SLCO1A2: variants seen among roughly 807,000 people sequenced by gnomAD.
SLCO1A2 encodes solute carrier organic anion transporter family member 1A2.
In SLCO1A2, 67 loss-of-function variants were observed where a neutral mutation model predicts 69.0. The observed-to-expected ratio is 0.97, with a 90% CI of 0.80 to 1.19. The LOEUF is 1.19. Ranked by LOEUF, SLCO1A2 falls within the 50% of genes most tolerant of loss-of-function variation. SLCO1A2 has a pLI of 0.00. For synonymous variants in SLCO1A2, 260 were observed against 265.9 expected (o/e 0.98, Z 0.22); for missense variants, 787 against 793.7 (o/e 0.99, Z 0.10).
rs1272920345 is a variant in SLCO1A2, at chr12:21,304,539, C to T, written c.477G>A (p.Val159=). ...CTKEVKSLMW[V]YVLVGNIVRG... is the part of the protein sequence containing the mutation. ...GTACAATATTGCCTACTAGGACGTA[C>T]ACCCACATTAATGATTTAACTTCCT... Residue 159 remains valine (V), a synonymous_variant, in exon 6 of 15, where the codon GTG becomes GTA. Coordinates refer to ENST00000683939, the MANE Select transcript of SLCO1A2 (RefSeq NM_001386879.1). 1 of 1,612,330 alleles carries T rather than the reference C, an allele frequency of 6.2e-7. No individual in the cohort carries two copies. Among genetic ancestry groups the T allele is most frequent in the African/African-American group, 1.3e-5 (1 of 74,820 alleles).
At chr12:21,387,513 C>T (rs906704070) in intron 1 of SLCO1A2, among the ~76,000 whole-genome samples, 8 of 152,164 alleles carry the variant, frequency 5.3e-5, no homozygotes, top group African/African-American at 1.9e-4. Context: ...TCAGAGGATG[C>T]AAACTCCAAG....
chr12:21,415,021 T>G lies in SLCO1A2; in HGVS notation c.-312+2861A>C, dbSNP rs369295148. Among the ~76,000 whole-genome samples, 5 of 152,250 alleles carry G rather than the reference T, an allele frequency of 3.3e-5. No individual in the cohort carries two copies. The South Asian group carries it at 1.0e-3, about 32-fold the overall frequency. ...TATCTTTTCTTCATATTTTTACTTT[T>G]GATCTTTAAATGTTCTTATCTTTTT... On this transcript the variant is annotated intron_variant, in intron 1 of 4. Coordinates refer to the SLCO1A2 transcript ENST00000413682.
Position 21,334,100 on chromosome 12 carries a change from A to T in SLCO1A2, c.60+488T>A, listed in dbSNP as rs549655607. 2.0e-5 allele frequency among the ~76,000 whole-genome samples: 3 copies of T among 152,174 alleles called. No individual in the cohort carries two copies. The East Asian group carries it at 5.8e-4, about 29-fold the overall frequency. On this transcript the variant is annotated intron_variant, in intron 2 of 14. Coordinates refer to ENST00000683939, the MANE Select transcript of SLCO1A2 (RefSeq NM_001386879.1). The stretch of plus-strand genomic sequence containing the variant: ...AATTTTCTCTGAAATAGAAAAAAAA[A>T]TCAGAACAGCTGACAAAATGGCCAT...
chr12:21,307,217 G>A (rs1949525119), intron 4 of SLCO1A2, among the ~76,000 whole-genome samples: 1 of 152,030 alleles, frequency 6.6e-6, no homozygotes, highest in Non-Finnish European at 1.5e-5. Flanking sequence ...ATCTGCCTGT[G>A]GATGATCTAC....
intron 2 of SLCO1A2, among the ~76,000 whole-genome samples, chr12:21,343,010 T>A (rs988589455): frequency 6.6e-6 from 1 of 152,120 alleles, no homozygotes; most frequent in Admixed American, 6.6e-5. Flanking sequence ...TCCAGGTGGG[T>A]ATGTCCTGTG....
intron 2 of SLCO1A2, among the ~76,000 whole-genome samples, chr12:21,339,959 A>G (rs1246612377): frequency 6.6e-6 from 1 of 151,952 alleles, no homozygotes; most frequent in Non-Finnish European, 1.5e-5. Context: ...TAGATGAAAG[A>G]TGTATGGTAT....
chr12:21,333,997 G>A (rs1311342673), intron 2 of SLCO1A2, among the ~76,000 whole-genome samples: 1 of 151,798 alleles, frequency 6.6e-6, no homozygotes, highest in Non-Finnish European at 1.5e-5. Flanking sequence ...TATAGAATCA[G>A]GACAAATGTC....
At chr12:21,394,390 C>CACAT (rs995103690) in intron 1 of SLCO1A2, among the ~76,000 whole-genome samples, 5 of 147,240 alleles carry the variant, frequency 3.4e-5, no homozygotes, top group African/African-American at 1.3e-4. Context: ...CACACACACA[C>CACAT]ATTAGCCAGA....
At chr12:21,326,447 G>A (rs1952234269) in intron 2 of SLCO1A2, among the ~76,000 whole-genome samples, 1 of 152,160 alleles carries the variant, frequency 6.6e-6, no homozygotes, top group African/African-American at 2.4e-5. Context: ...AAAGTTTGGA[G>A]CTTCCTACAG....
At chr12:21,273,026 G>A (rs908099994) in intron 14 of SLCO1A2, among the ~76,000 whole-genome samples, 1 of 151,830 alleles carries the variant, frequency 6.6e-6, no homozygotes, top group African/African-American at 2.4e-5. Flanking sequence ...AGGGACAAAG[G>A]ACTTTTTTTA....
intron 2 of SLCO1A2, among the ~76,000 whole-genome samples, chr12:21,340,509 G>T (rs2136979059): frequency 6.6e-6 from 1 of 152,110 alleles, no homozygotes; most frequent in East Asian, 1.9e-4. Context: ...CTCATTTTTA[G>T]TATTTGCCTC....
intron 2 of SLCO1A2, among the ~76,000 whole-genome samples, chr12:21,343,002 C>T (rs1188154350): frequency 6.6e-6 from 1 of 152,102 alleles, no homozygotes; most frequent in Non-Finnish European, 1.5e-5. Context: ...GCGTCACATC[C>T]AGGTGGGTAT....
chr12:21,306,861 C>T, intron 5 of SLCO1A2, 21 bp downstream of exon 5: 1 of 1,564,144 alleles, frequency 6.4e-7, no homozygotes, highest in Non-Finnish European at 8.8e-7. Context: ...GAACAAAAAT[C>T]AATACAATGA....
intron 2 of SLCO1A2, among the ~76,000 whole-genome samples, chr12:21,370,301 A>G (rs1353695587): frequency 2.0e-5 from 3 of 152,014 alleles, no homozygotes; most frequent in Non-Finnish European, 4.4e-5. Flanking sequence ...GACATATGAT[A>G]GTCCTTATAA....
In SLCO1A2 at chr12:21,306,003, C is replaced by T. The variant is rs377436048; in HGVS notation, c.442+879G>A. ...GGGGCAGAAGCCAGTACATTGGTGC[C>T]TAGGGCTACCAGAAGCTGAAAGAAG... On this transcript the variant is annotated intron_variant, in intron 5 of 14. Transcript: ENST00000683939. Among the ~76,000 whole-genome samples the T allele has an allele frequency of 1.9e-4, 29 of 152,248 alleles. No individual in the cohort carries two copies. In the East Asian group the frequency reaches 5.6e-3, roughly 29 times the overall value.
At position 21,267,077 on chromosome 12, in the gene SLCO1A2, C is replaced by T. The variant is rs987575453; in HGVS notation, c.*2471G>A. ...ACAAGTGCTCAGAATAAGAACTAAA[C>T]TCCCAGGCTTCATGTATACCAACAA... On this transcript the variant is annotated 3_prime_UTR_variant, in exon 15 of 15. Coordinates refer to ENST00000683939, the MANE Select transcript of SLCO1A2 (RefSeq NM_001386879.1). The T allele has an allele frequency of 3.9e-5, 6 of 152,016 alleles. No individual in the cohort carries two copies. The highest frequency in any genetic ancestry group is 1.4e-4 in the African/African-American group (6 of 41,398). 9.4% of individuals were successfully genotyped at this position (152,016 alleles called of 1,614,324 possible).
At chr12:21,321,796 C>A (rs1049173065) in intron 2 of SLCO1A2, among the ~76,000 whole-genome samples, 1 of 152,192 alleles carries the variant, frequency 6.6e-6, no homozygotes, top group Non-Finnish European at 1.5e-5. Flanking sequence ...TGCCTCTGTG[C>A]TCCCCAGGTA....
upstream of SLCO1A2, among the ~76,000 whole-genome samples, chr12:21,399,399 T>C (rs200371452): frequency 0.24 from 7,743 of 32,928 alleles, 60 homozygotes; most frequent in Middle Eastern, 0.32. Flanking sequence ...TGGAAGAACA[T>C]TCCATGCTCA....
intron 3 of SLCO1A2, among the ~76,000 whole-genome samples, chr12:21,315,143 G>A (rs547646602): frequency 1.3e-5 from 2 of 152,290 alleles, no homozygotes; most frequent in African/African-American, 4.8e-5. Flanking sequence ...GTAGCTGAAT[G>A]TTTTGTAACT....
Sources: allele counts gnomAD v4.1 joint callset (sites outside exome capture counted in the v4.1 genomes callset), GRCh38; gene constraint gnomAD v4.1.1; transcripts MANE v1.5; gene names NCBI Gene and HGNC (gene_info 2026-07-23, HGNC 2026-07-21).